UGT1A8: variants seen among roughly 807,000 people sequenced by gnomAD.
UGT1A8 encodes UDP-glucuronosyltransferase 1A8.
In UGT1A8, 39 loss-of-function variants were observed where a neutral mutation model predicts 45.3. The ratio of observed to expected loss-of-function variants is 0.86; its 90% CI spans 0.67 to 1.12. UGT1A8 has a LOEUF of 1.12. Ranked by LOEUF, UGT1A8 falls within the 50% of genes most tolerant of loss-of-function variation. The pLI, the probability that UGT1A8 is intolerant of heterozygous loss-of-function variation, is 0.00. For synonymous variants in UGT1A8, 275 were observed against 249.2 expected (o/e 1.10, Z -0.97); for missense variants, 719 against 664.9 (o/e 1.08, Z -0.90).
chr2:233,748,945 A>T (rs1040839145), intron 1 of UGT1A8, among the ~76,000 whole-genome samples: 1 of 151,666 alleles, frequency 6.6e-6, no homozygotes, highest in Non-Finnish European at 1.5e-5. Context: ...AACCCACCCT[A>T]TCCCACTCCA....
At chr2:233,767,302 A>G (rs951994488) in intron 2 of UGT1A8, 137 bp downstream of exon 2, 1 of 1,534,820 alleles carries the variant, frequency 6.5e-7, no homozygotes, top group African/African-American at 1.4e-5. Context: ...TATTAATCCA[A>G]AGGTTTTTTT....
chr2:233,676,664 T>A (rs2074367608), intron 1 of UGT1A8, among the ~76,000 whole-genome samples: 1 of 152,204 alleles, frequency 6.6e-6, no homozygotes, highest in African/African-American at 2.4e-5. Flanking sequence ...TTGGGCAGTT[T>A]CGAGCAGTCC....
intron 1 of UGT1A8, among the ~76,000 whole-genome samples, chr2:233,746,337 C>A (rs1693368199): frequency 6.6e-6 from 1 of 151,668 alleles, no homozygotes; most frequent in Admixed American, 6.6e-5. Context: ...GGGCAATGGA[C>A]ATGTTTATGT....
chr2:233,636,908 A>G (rs1241791271), intron 1 of UGT1A8: 1 of 1,614,112 alleles, frequency 6.2e-7, no homozygotes, highest in Non-Finnish European at 8.5e-7. Flanking sequence ...AGTTTGTTTA[A>G]TGACCGAAAA....
Position 233,682,770 on chromosome 2 carries a change from A to T in UGT1A8, c.855+64208A>T, listed in dbSNP as rs532150245. 39 of 1,613,604 alleles carry T rather than the reference A, an allele frequency of 2.4e-5. 1 individual carries two copies. The South Asian group carries it at 4.0e-4, about 16-fold the overall frequency. The stretch of plus-strand genomic sequence containing the variant: ...ATCTTCATTGGTGGTATCAACTGTC[A>T]TCAGGGAAAGCCAGTGCCTATGGTA... On this transcript the variant is annotated intron_variant, in intron 1 of 4. Transcript: ENST00000373450.
At chr2:233,619,237 A>T (rs2072955487) in intron 1 of UGT1A8, among the ~76,000 whole-genome samples, 2 of 152,180 alleles carry the variant, frequency 1.3e-5, no homozygotes, top group South Asian at 4.1e-4. Flanking sequence ...AATAAATTGT[A>T]GATTCCTTTA....
intron 1 of UGT1A8, among the ~76,000 whole-genome samples, chr2:233,651,424 A>G (rs2073738665): frequency 6.6e-6 from 1 of 152,224 alleles, no homozygotes; most frequent in South Asian, 2.1e-4. Context: ...TTACATGTCT[A>G]AAAAATACAT....
intron 1 of UGT1A8, among the ~76,000 whole-genome samples, chr2:233,624,718 G>T (rs946532388): frequency 2.6e-5 from 4 of 152,156 alleles, no homozygotes; most frequent in Middle Eastern, 3.4e-3. Flanking sequence ...GTTTGATTTT[G>T]ATTGGGATTG....
chr2:233,729,670 T>C, intron 1 of UGT1A8: 1 of 1,613,952 alleles, frequency 6.2e-7, no homozygotes, highest in Non-Finnish European at 8.5e-7. Context: ...TGATTTAGAC[T>C]TTAAGGGCAC....
At chr2:233,633,590 T>C (rs539176264) in intron 1 of UGT1A8, among the ~76,000 whole-genome samples, 3 of 152,352 alleles carry the variant, frequency 2.0e-5, no homozygotes, top group African/African-American at 7.2e-5. Context: ...GTCTAGTTTA[T>C]TTGTGTAGAG....
chr2:233,732,187 T>A (rs1208942710), intron 1 of UGT1A8, among the ~76,000 whole-genome samples: 3 of 152,250 alleles, frequency 2.0e-5, no homozygotes, highest in African/African-American at 7.2e-5. Flanking sequence ...ATTCTGGATA[T>A]TAGCCCTTTG....
At position 233,618,458 on chromosome 2, in the gene UGT1A8, T is replaced by C; in HGVS notation, c.751T>C (p.Trp251Arg). The C allele has an allele frequency of 6.2e-7, 1 of 1,613,960 alleles. No individual in the cohort carries two copies. Among genetic ancestry groups the C allele is most frequent in the Non-Finnish European group, 8.5e-7 (1 of 1,179,824 alleles). ...TGATCTCTACAGCCACACATCAATT[T>C]GGTTGTTGCGAACAGACTTTGTTTT... ...AYDLYSHTSI[W>R]LLRTDFVLDY... Residue 251 changes from tryptophan to arginine, a missense_variant, in exon 1 of 5, where the codon TGG (tryptophan) becomes CGG (arginine). By Grantham distance (101) the Trp-to-Arg change is moderately radical. Coordinates refer to ENST00000373450, the MANE Select transcript of UGT1A8 (RefSeq NM_019076.5).
intron 4 of UGT1A8, among the ~76,000 whole-genome samples, chr2:233,768,739 C>T (rs542073297): frequency 1.3e-5 from 2 of 151,854 alleles, no homozygotes; most frequent in African/African-American, 4.8e-5. Context: ...TCCACCACCA[C>T]GCCCGGTTAA....
intron 1 of UGT1A8, among the ~76,000 whole-genome samples, chr2:233,730,803 T>C (rs2078076377): frequency 6.6e-6 from 1 of 152,164 alleles, no homozygotes; most frequent in South Asian, 2.1e-4. Context: ...TGAATGGACA[T>C]GCGTCCAAGA....
In UGT1A8 at chr2:233,729,555, T is replaced by C. The variant is rs549256144; in HGVS notation, c.856-37479T>C. 30 of 1,614,208 alleles carry C rather than the reference T, an allele frequency of 1.9e-5. No homozygotes were observed. In the South Asian group the frequency reaches 3.0e-4, roughly 16 times the overall value. On this transcript the variant is annotated intron_variant, in intron 1 of 4. Coordinates refer to ENST00000373450, the MANE Select transcript of UGT1A8 (RefSeq NM_019076.5). The stretch of plus-strand genomic sequence containing the variant: ...AGGCCCTGATCAGGCACCTGAATGC[T>C]ACTTCCTTTGATGTGGTTTTAACAG...
intron 1 of UGT1A8, chr2:233,648,723 C>T: frequency 2.1e-6 from 1 of 483,096 alleles, no homozygotes; most frequent in Non-Finnish European, 3.6e-6. Context: ...CTTGGCCTCC[C>T]AAAGTGCTGG....
At chr2:233,624,854 AAT>A (rs1479363875) in intron 1 of UGT1A8, among the ~76,000 whole-genome samples, 1 of 152,050 alleles carries the variant, frequency 6.6e-6, no homozygotes, top group African/African-American at 2.4e-5. Flanking sequence ...AGTCTTTCAT[AAT>A]TTTTGTCAGA....
chr2:233,691,036 C>A (rs570585293), intron 1 of UGT1A8: 1 of 989,684 alleles, frequency 1.0e-6, no homozygotes, highest in Non-Finnish European at 1.2e-6. Context: ...CTCAGACCAA[C>A]GTCCACAGCA....
At position 233,681,832 on chromosome 2, in the gene UGT1A8, T is replaced by G. The variant is rs28969712; in HGVS notation, c.855+63270T>G. 5.5e-3 allele frequency: 8,299 copies of G among 1,503,360 alleles called. 357 individuals are homozygous for G. The African/African-American group carries it at 0.099, about 18-fold the overall frequency. The allele number at this position is 1,503,360 out of a possible 1,614,324, so 93.1% of individuals were successfully genotyped here. ...GTGAATTTTTTTTTAAATGAATGAA[T>G]AAGTACACGCCTTCTTTTGAGGGCA... On this transcript the variant is annotated intron_variant, in intron 1 of 4. Transcript: ENST00000373450.
Sources: allele counts gnomAD v4.1 joint callset (sites outside exome capture counted in the v4.1 genomes callset), GRCh38; gene constraint gnomAD v4.1.1; transcripts MANE v1.5; gene names NCBI Gene and HGNC (gene_info 2026-07-23, HGNC 2026-07-21).